The following PATJ variants were observed in gnomAD, a reference collection of about 807,000 sequenced individuals.
PATJ encodes inaD-like protein.
In PATJ, 190 loss-of-function variants were observed where a neutral mutation model predicts 224.9. That is an observed-to-expected ratio of 0.84 (90% CI 0.75 to 0.95). PATJ has a LOEUF of 0.95. Ranked by LOEUF, PATJ falls within the 40% of genes least tolerant of loss-of-function variation. PATJ has a pLI of 0.00. For missense variants in PATJ, 2,121 were observed against 2,270.3 expected (o/e 0.93, Z 1.34); for synonymous variants, 769 against 820.3 (o/e 0.94, Z 1.07).
chr1:61,802,489 G>A (rs1326034587), intron 12 of PATJ, among the ~76,000 whole-genome samples: 1 of 151,716 alleles, frequency 6.6e-6, no homozygotes, highest in Admixed American at 6.6e-5. Context: ...ATGTTGTCCA[G>A]GCTGGTTTCA....
rs866286859 is a variant in PATJ, at chr1:61,947,824, G to A, written c.3670+19995G>A. On this transcript the variant is annotated intron_variant, in intron 27 of 43. Coordinates refer to ENST00000642238, the MANE Select transcript of PATJ (RefSeq NM_001350145.3). Reference sequence around the variant, plus strand: ...ACCTGACTTCAAACTGTACTACAAGGCTACAGTAACCAAAACAGAATGGTA... The same window carrying A: ...ACCTGACTTCAAACTGTACTACAAGACTACAGTAACCAAAACAGAATGGTA... Among the ~76,000 whole-genome samples the A allele has an allele frequency of 3.3e-5, 5 of 152,092 alleles. No homozygotes were observed. In the South Asian group the frequency reaches 1.0e-3, roughly 32 times the overall value.
chr1:61,980,467 GTGTGTGTGTGTGGTA>G (rs1644393239), intron 27 of PATJ, among the ~76,000 whole-genome samples: 7 of 146,084 alleles, frequency 4.8e-5, no homozygotes, highest in East Asian at 3.9e-4. Context: ...GTGTGTGTGT[GTGTGTGTGTGTGGTA>G]TGCATTTTCA....
At chr1:61,782,403 AG>A (rs1303865177) in intron 7 of PATJ, among the ~76,000 whole-genome samples, 1 of 152,194 alleles carries the variant, frequency 6.6e-6, no homozygotes, top group East Asian at 1.9e-4. Context: ...TCTGAGACTT[AG>A]GGAGGATGAA....
chr1:61,871,495 A>ATATACACATATATATG (rs1557793498), intron 20 of PATJ, among the ~76,000 whole-genome samples: 3 of 46,266 alleles, frequency 6.5e-5, no homozygotes, highest in Non-Finnish European at 9.1e-5. Context: ...GTATATATGT[A>ATATACACATATATATG]TATATACATA....
chr1:62,128,780 A>T, intron 40 of PATJ, 61 bp from the exon 41 acceptor site: 10 of 1,046,492 alleles, frequency 9.6e-6, no homozygotes, highest in Non-Finnish European at 1.4e-5. Context: ...AATTTTAAGC[A>T]TTCTTCTCAA....
At chr1:61,816,018 G>T (rs554680834) in intron 14 of PATJ, among the ~76,000 whole-genome samples, 57 of 152,218 alleles carry the variant, frequency 3.7e-4, no homozygotes, top group African/African-American at 1.3e-3. Flanking sequence ...CAGTAATATC[G>T]CTTGTGTGGG....
At chr1:62,001,329 C>G (rs559382920) in intron 28 of PATJ, among the ~76,000 whole-genome samples, 1 of 148,996 alleles carries the variant, frequency 6.7e-6, no homozygotes, top group Non-Finnish European at 1.5e-5. Flanking sequence ...TTAGGTCTAA[C>G]GTTTAAGTCT....
chr1:62,064,649 T>C (rs1656098580), intron 31 of PATJ, among the ~76,000 whole-genome samples: 1 of 152,194 alleles, frequency 6.6e-6, no homozygotes, highest in African/African-American at 2.4e-5. Context: ...TTTAAAGTGC[T>C]GGTATCCAAG....
chr1:62,004,692 C>G (rs1245908617), intron 28 of PATJ, among the ~76,000 whole-genome samples: 1 of 152,090 alleles, frequency 6.6e-6, no homozygotes. Context: ...ATGTATTAGG[C>G]ATGTGTGCAC....
chr1:61,899,533 A>G (rs768002872), intron 22 of PATJ, 50 bp from the exon 23 acceptor site: 5 of 1,273,230 alleles, frequency 3.9e-6, no homozygotes, highest in Middle Eastern at 1.9e-4. Context: ...GACCTTTAAT[A>G]ATGAGTATGC....
intron 34 of PATJ, among the ~76,000 whole-genome samples, chr1:62,109,056 T>C (rs1352547172): frequency 6.6e-6 from 1 of 152,180 alleles, no homozygotes; most frequent in East Asian, 1.9e-4. Flanking sequence ...CTTTTTCAAA[T>C]TGACTCTCAT....
At chr1:62,007,310 T>A (rs1281870642) in intron 28 of PATJ, among the ~76,000 whole-genome samples, 2 of 152,228 alleles carry the variant, frequency 1.3e-5, no homozygotes, top group Non-Finnish European at 2.9e-5. Flanking sequence ...TAGAACTATC[T>A]GGAAGACCTC....
chr1:61,780,108 A>G (rs1647165662), intron 7 of PATJ, among the ~76,000 whole-genome samples: 1 of 152,118 alleles, frequency 6.6e-6, no homozygotes, highest in African/African-American at 2.4e-5. Flanking sequence ...GGGGACAAAC[A>G]TCCAAACTGT....
chr1:61,830,319 T>C (rs1659081458), intron 16 of PATJ, among the ~76,000 whole-genome samples: 1 of 152,116 alleles, frequency 6.6e-6, no homozygotes, highest in Non-Finnish European at 1.5e-5. Flanking sequence ...GTGAAAGATG[T>C]CTACAATGAG....
At chr1:62,139,253 T>C (rs1249379387) in intron 41 of PATJ, among the ~76,000 whole-genome samples, 3 of 151,796 alleles carry the variant, frequency 2.0e-5, no homozygotes, top group Non-Finnish European at 4.4e-5. Context: ...ATTCAAAAAA[T>C]AGCCGGGCGT....
intron 1 of PATJ, among the ~76,000 whole-genome samples, chr1:61,760,142 G>A (rs542387695): frequency 6.6e-6 from 1 of 152,292 alleles, no homozygotes; most frequent in Non-Finnish European, 1.5e-5. Context: ...CTGTCACTGG[G>A]TAGTTGTAAG....
At chr1:62,128,567 G>T in intron 40 of PATJ, 1 of 410,938 alleles carries the variant, frequency 2.4e-6, no homozygotes, top group Non-Finnish European at 4.4e-6. Flanking sequence ...CTGGCAAATG[G>T]TTGTATGAAA....
intron 9 of PATJ, among the ~76,000 whole-genome samples, chr1:61,793,291 T>A (rs921562352): frequency 6.6e-6 from 1 of 152,154 alleles, no homozygotes; most frequent in Non-Finnish European, 1.5e-5. Context: ...GATGACATAT[T>A]CAGTTTGTCA....
At chr1:62,023,198 G>A (rs1647186034) in intron 29 of PATJ, among the ~76,000 whole-genome samples, 1 of 151,540 alleles carries the variant, frequency 6.6e-6, no homozygotes, top group Non-Finnish European at 1.5e-5. Context: ...GCTGAGGCAG[G>A]AGAATCACTT....
Sources: gnomAD v4.1 joint callset for allele counts (sites outside exome capture counted in the v4.1 genomes callset) on GRCh38, gnomAD v4.1.1 for gene constraint, MANE v1.5 for transcripts, NCBI Gene and HGNC (gene_info 2026-07-23, HGNC 2026-07-21) for gene names.